MAST4: variants seen among roughly 807,000 people sequenced by gnomAD.
MAST4 encodes the protein microtubule-associated serine/threonine-protein kinase 4.
A neutral mutation model predicts 162.7 loss-of-function variants in MAST4; 89 were observed. That is an observed-to-expected ratio of 0.55 (90% CI 0.46 to 0.65). The LOEUF is 0.65. MAST4 is among the 30% of genes least tolerant of loss of function. The pLI is 0.00. For synonymous variants in MAST4, 1,479 were observed against 1,361.1 expected, an observed-to-expected ratio of 1.09 and a Z score of -1.91; for missense variants, 3,153 against 3,374.0, an observed-to-expected ratio of 0.93 and a Z score of 1.62.
chr5:66,852,779 T>C (rs980446640), intron 3 of MAST4, among the ~76,000 whole-genome samples: 10 of 152,178 alleles, frequency 6.6e-5, no homozygotes, highest in Admixed American at 5.9e-4. Flanking sequence ...ACAGAGATAG[T>C]TGTCAGTAAT....
intron 3 of MAST4, among the ~76,000 whole-genome samples, chr5:66,867,236 T>C (rs1760595648): frequency 6.6e-6 from 1 of 152,224 alleles, no homozygotes; most frequent in African/African-American, 2.4e-5. Context: ...CTTGTGCCTC[T>C]CCTTTTGATA....
At chr5:66,718,174 C>CTTTTT (rs200133080) in intron 1 of MAST4, among the ~76,000 whole-genome samples, 2 of 134,350 alleles carry the variant, frequency 1.5e-5, no homozygotes, top group African/African-American at 5.6e-5. Context: ...GTTTTTTTTT[C>CTTTTT]TTTTTTTTTT....
At chr5:66,784,674 C>T (rs571517037) in intron 2 of MAST4, among the ~76,000 whole-genome samples, 1 of 152,132 alleles carries the variant, frequency 6.6e-6, no homozygotes, top group South Asian at 2.1e-4. Context: ...GTGTGTGTGA[C>T]CCGGCCTAAG....
chr5:67,165,611 C>A lies in MAST4; in HGVS notation c.6432C>A (p.Ser2144=). The A allele has an allele frequency of 6.2e-7, 1 of 1,613,534 alleles. No individual in the cohort carries two copies. The highest frequency in any genetic ancestry group is 1.3e-5 in the African/African-American group (1 of 75,044). Residue 2144 remains serine, a synonymous_variant, in exon 29 of 29, where the codon TCC becomes TCA. Coordinates refer to ENST00000403625, the MANE Select transcript of MAST4 (RefSeq NM_001164664.2). ...PPPPLTAKDL[S]SPAARQHCSS... ...CCCCTCTGACGGCCAAAGACCTGTC[C>A]AGCCCGGCTGCCAGGCAGCATTGCA... is the stretch of plus-strand genomic sequence containing the variant.
intron 4 of MAST4, among the ~76,000 whole-genome samples, chr5:67,019,112 A>C (rs1227921241): frequency 6.6e-6 from 1 of 152,222 alleles, no homozygotes; most frequent in African/African-American, 2.4e-5. Flanking sequence ...TTAAATGCCC[A>C]ACTTTGCAAT....
intron 4 of MAST4, chr5:66,930,736 CTG>C (rs1742102052): frequency 2.1e-6 from 1 of 470,748 alleles, no homozygotes; most frequent in South Asian, 1.5e-5. Flanking sequence ...TCTGGGTTCA[CTG>C]TCTTTCAGCA....
At chr5:67,111,433 G>A (rs73766404) in intron 11 of MAST4, among the ~76,000 whole-genome samples, 1,848 of 152,180 alleles carry the variant, frequency 0.012, 37 homozygotes, top group African/African-American at 0.042. Context: ...GAAAGGTAGG[G>A]AGTTGGGAGG....
At chr5:67,143,420 AC>A (rs1393320365) in intron 21 of MAST4, among the ~76,000 whole-genome samples, 1 of 152,182 alleles carries the variant, frequency 6.6e-6, no homozygotes, top group East Asian at 1.9e-4. Context: ...GTTAAAAAAA[AC>A]AATTAATCAA....
intron 1 of MAST4, among the ~76,000 whole-genome samples, chr5:66,611,104 TC>T (rs1171483729): frequency 1.3e-5 from 2 of 152,256 alleles, no homozygotes. Flanking sequence ...ACATTTTTTT[TC>T]TTTGTGTAAC....
chr5:66,616,533 C>G (rs1397495954), intron 1 of MAST4, among the ~76,000 whole-genome samples: 1 of 152,170 alleles, frequency 6.6e-6, no homozygotes, highest in Non-Finnish European at 1.5e-5. Flanking sequence ...CAAGGGCCTT[C>G]TCAGAGTGCT....
chr5:66,648,775 A>C (rs1746028530), intron 1 of MAST4, among the ~76,000 whole-genome samples: 1 of 152,126 alleles, frequency 6.6e-6, no homozygotes, highest in Non-Finnish European at 1.5e-5. Context: ...GTGATTTACC[A>C]GTGCTGCCAA....
At chr5:67,066,859 C>T (rs924308359) in intron 5 of MAST4, among the ~76,000 whole-genome samples, 2 of 152,192 alleles carry the variant, frequency 1.3e-5, no homozygotes, top group African/African-American at 4.8e-5. Context: ...AGGAAATGCT[C>T]TTTAATGCTT....
intron 1 of MAST4, among the ~76,000 whole-genome samples, chr5:66,699,532 T>C (rs1749626876): frequency 2.0e-5 from 3 of 152,172 alleles, no homozygotes; most frequent in Non-Finnish European, 2.9e-5. Context: ...AGTGATAGAC[T>C]GGATGAAGAA....
intron 1 of MAST4, among the ~76,000 whole-genome samples, chr5:66,681,936 A>G (rs1748357524): frequency 6.6e-6 from 1 of 152,166 alleles, no homozygotes; most frequent in African/African-American, 2.4e-5. Context: ...GGGGTGGGTG[A>G]CCATGCCTGG....
intron 23 of MAST4, among the ~76,000 whole-genome samples, chr5:67,145,792 C>T (rs1771012063): frequency 6.6e-6 from 1 of 152,088 alleles, no homozygotes; most frequent in Non-Finnish European, 1.5e-5. Flanking sequence ...TCAGAATTAC[C>T]CTTGAAGATG....
intron 16 of MAST4, 121 bp from the exon 17 acceptor site, chr5:67,133,393 G>A: frequency 9.1e-7 from 1 of 1,099,470 alleles, no homozygotes; most frequent in Non-Finnish European, 1.3e-6. Flanking sequence ...GCTGGGTTTT[G>A]TAATAAGCTT....
chr5:66,926,079 G>T (rs547820602), intron 4 of MAST4, among the ~76,000 whole-genome samples: 92 of 152,070 alleles, frequency 6.0e-4, no homozygotes, highest in African/African-American at 2.1e-3. Flanking sequence ...TCAAGGAGAG[G>T]TTTCGGCATA....
chr5:66,799,413 T>C (rs1008099366), intron 3 of MAST4, among the ~76,000 whole-genome samples: 1 of 152,120 alleles, frequency 6.6e-6, no homozygotes, highest in Non-Finnish European at 1.5e-5. Flanking sequence ...CTCCCCCTTC[T>C]CTCCTCATCC....
chr5:66,947,455 C>T (rs1744174842), intron 4 of MAST4, among the ~76,000 whole-genome samples: 2 of 152,134 alleles, frequency 1.3e-5, no homozygotes, highest in Non-Finnish European at 2.9e-5. Flanking sequence ...TTGTGGAAAT[C>T]ACAGTGTAAT....
Sources: gnomAD v4.1 joint callset for allele counts (sites outside exome capture counted in the v4.1 genomes callset) on GRCh38, gnomAD v4.1.1 for gene constraint, MANE v1.5 for transcripts, NCBI Gene and HGNC (gene_info 2026-07-23, HGNC 2026-07-21) for gene names.